FBXO8: variants seen among roughly 807,000 people sequenced by gnomAD.
FBXO8 encodes F-box protein 8, also known as F-box only protein 8.
In FBXO8, 15 loss-of-function variants were observed where a neutral mutation model predicts 33.4. That is an observed-to-expected ratio of 0.45 (90% CI 0.30 to 0.69). The LOEUF (loss-of-function observed/expected upper bound fraction) is 0.69. FBXO8 is among the 30% of genes least tolerant of loss of function. FBXO8 has a pLI of 0.08. For missense variants in FBXO8, 274 were observed against 380.3 expected, an observed-to-expected ratio of 0.72 and a Z score of 2.32; for synonymous variants, 132 against 131.5, an observed-to-expected ratio of 1.00 and a Z score of -0.02.
intron 3 of FBXO8, among the ~76,000 whole-genome samples, chr4:174,258,893 GA>G (rs1736477428): frequency 6.6e-6 from 1 of 151,758 alleles, no homozygotes; most frequent in Admixed American, 6.6e-5. Flanking sequence ...GACAACAAAT[GA>G]AAAAAAGTTG....
rs547330456 is a variant in FBXO8, at chr4:174,252,653, G to GCACACA, written c.456+7040_456+7045dup. ...CATGTACTTGTGCATGTGAGTGCATGCACACACACACACACACACACACGC... is the reference window on the plus strand; with the variant it reads ...CATGTACTTGTGCATGTGAGTGCATGCACACACACACACACACACACACACACACGC... On this transcript the variant is annotated intron_variant, in intron 3 of 5. Transcript: ENST00000393674. This position sits in a 1 kb window ranked among gnomAD's most constrained non-coding sequence, Gnocchi z 5.1. 2.3e-5 allele frequency among the ~76,000 whole-genome samples: 3 copies of GCACACA among 127,904 alleles called. No individual in the cohort carries two copies. The highest frequency in any genetic ancestry group is 2.0e-4 in the East Asian group (1 of 5,074). The allele number at this position is 127,904 out of a possible 152,430, so 83.9% of individuals were successfully genotyped here. A position where few individuals can be genotyped will look rare whatever the true frequency, so the allele number is the denominator to read the frequency against.
chr4:174,259,851 A>G lies in FBXO8; in HGVS notation c.330-26T>C, dbSNP rs893042231. On this transcript the variant is annotated intron_variant, in intron 2 of 5. Coordinates refer to ENST00000393674, the MANE Select transcript of FBXO8 (RefSeq NM_012180.3). This position sits in a 1 kb window ranked among gnomAD's most constrained non-coding sequence, Gnocchi z 4.3. ...CTATAAAATCAGAGAAAATGAGACA[A>G]GAAAACATTACTACATTTAATTTCC... 1 of 1,558,072 alleles carries G rather than the reference A, an allele frequency of 6.4e-7. No homozygotes were observed.
At position 174,267,211 on chromosome 4, in the gene FBXO8, A is replaced by G. The variant is rs903399704; in HGVS notation, c.-8-4111T>C. 2.6e-5 allele frequency among the ~76,000 whole-genome samples: 4 copies of G among 152,222 alleles called. No individual in the cohort carries two copies. Among genetic ancestry groups the G allele is most frequent in the Non-Finnish European group, 4.4e-5 (3 of 68,036 alleles). ...CTCAGCATGCCTGAGGATGGTGCCA[A>G]TAGCAGTTCCATGAAATAGGTCTTT... On this transcript the variant is annotated intron_variant, in intron 1 of 5. Transcript: ENST00000393674. This position sits in a 1 kb window ranked among gnomAD's most constrained non-coding sequence, Gnocchi z 4.7.
chr4:174,241,362 G>C lies in FBXO8; in HGVS notation c.457-144C>G. 2.0e-6 allele frequency: 1 copy of C among 493,318 alleles called. No homozygotes were observed. The allele number at this position is 493,318 out of a possible 1,614,324, so 30.6% of individuals were successfully genotyped here. ...GCTTTATCATGCAAAATACAAGCTA[G>C]AACTTGAACTGAAACTATTGTTTGT... On this transcript the variant is annotated intron_variant, in intron 3 of 5. Coordinates refer to ENST00000393674, the MANE Select transcript of FBXO8 (RefSeq NM_012180.3). This position sits in a 1 kb window ranked among gnomAD's most constrained non-coding sequence, Gnocchi z 4.2.
chr4:174,252,324 A>C lies in FBXO8; in HGVS notation c.456+7375T>G, dbSNP rs1736308349. ...ATTGAGGATTACATCTCAAACTCCT[A>C]AGAGTCTGGATAATAATAATAGCAA... On this transcript the variant is annotated intron_variant, in intron 3 of 5. Coordinates refer to ENST00000393674, the MANE Select transcript of FBXO8 (RefSeq NM_012180.3). The surrounding 1 kb of genome is among the most constrained non-coding windows in gnomAD (Gnocchi z 5.1). Among the ~76,000 whole-genome samples, 1 of 152,196 alleles carries C rather than the reference A, an allele frequency of 6.6e-6. No individual in the cohort carries two copies. Among genetic ancestry groups the C allele is most frequent in the Non-Finnish European group, 1.5e-5 (1 of 68,024 alleles).
rs1371446852 is a variant in FBXO8, at chr4:174,275,655, A to G, written c.-9+7755T>C. On this transcript the variant is annotated intron_variant, in intron 1 of 5. Coordinates refer to ENST00000393674, the MANE Select transcript of FBXO8 (RefSeq NM_012180.3). The surrounding 1 kb of genome is among the most constrained non-coding windows in gnomAD (Gnocchi z 4.4). ...GATGTTTTATAAAAAGGAATTAGAA[A>G]CTCTAATGAATGCTTTAAAGAGGGT... Among the ~76,000 whole-genome samples the G allele has an allele frequency of 6.6e-6, 1 of 152,202 alleles. No homozygotes were observed. The highest frequency in any genetic ancestry group is 1.5e-5 in the Non-Finnish European group (1 of 68,020).
rs765140995 is a variant in FBXO8 at position 174,267,888 on chromosome 4, A to T, written c.-8-4788T>A. ...TGCAAAAAGTTTCAAATTCAAAAAA[A>T]ATTCAACACAAAATAAGTTTTTGTA... On this transcript the variant is annotated intron_variant, in intron 1 of 5. Coordinates refer to ENST00000393674, the MANE Select transcript of FBXO8 (RefSeq NM_012180.3). The surrounding 1 kb of genome is among the most constrained non-coding windows in gnomAD (Gnocchi z 4.7). Among the ~76,000 whole-genome samples, 1 of 152,372 alleles carries T rather than the reference A, an allele frequency of 6.6e-6. No individual in the cohort carries two copies. The highest frequency in any genetic ancestry group is 6.5e-5 in the Admixed American group (1 of 15,304).
At chr4:174,238,170 A>C (rs1462508075) in intron 5 of FBXO8, among the ~76,000 whole-genome samples, 1 of 152,000 alleles carries the variant, frequency 6.6e-6, no homozygotes, top group Non-Finnish European at 1.5e-5. Flanking sequence ...AGGCCTGTGG[A>C]ACTTACATAT....
chr4:174,242,173 A>C (rs990798414), intron 3 of FBXO8, among the ~76,000 whole-genome samples: 9 of 151,666 alleles, frequency 5.9e-5, no homozygotes, highest in African/African-American at 1.2e-4. Flanking sequence ...TAATTGGCAG[A>C]GAAAATGACG....
At chr4:174,269,610 G>C (rs940810046) in intron 1 of FBXO8, among the ~76,000 whole-genome samples, 1 of 151,684 alleles carries the variant, frequency 6.6e-6, no homozygotes. Flanking sequence ...ACTTGAACCC[G>C]GGAGGCAGAG....
At chr4:174,244,469 CTACT>C (rs1333671371) in intron 3 of FBXO8, among the ~76,000 whole-genome samples, 6 of 151,782 alleles carry the variant, frequency 4.0e-5, no homozygotes, top group African/African-American at 1.4e-4. Flanking sequence ...AAACTCAGAA[CTACT>C]TAAATTTGAC....
chr4:174,270,363 T>C lies in FBXO8; in HGVS notation c.-8-7263A>G, dbSNP rs1448924053. ...CAGCATTATTAAAAAATAATGCCTTTGAGAGGTATTTATCTAGAAGACTGC... is the reference window on the plus strand; with the variant it reads ...CAGCATTATTAAAAAATAATGCCTTCGAGAGGTATTTATCTAGAAGACTGC... On this transcript the variant is annotated intron_variant, in intron 1 of 5. Coordinates refer to ENST00000393674, the MANE Select transcript of FBXO8 (RefSeq NM_012180.3). The surrounding 1 kb of genome is among the most constrained non-coding windows in gnomAD (Gnocchi z 4.6). Among the ~76,000 whole-genome samples the C allele has an allele frequency of 6.6e-6, 1 of 152,142 alleles. No individual in the cohort carries two copies. Among genetic ancestry groups the C allele is most frequent in the African/African-American group, 2.4e-5 (1 of 41,420 alleles).
rs1366388821 is a variant in FBXO8 at position 174,255,458 on chromosome 4, A to T, written c.456+4241T>A. 6.6e-6 allele frequency among the ~76,000 whole-genome samples: 1 copy of T among 152,122 alleles called. No homozygotes were observed. Among genetic ancestry groups the T allele is most frequent in the African/African-American group, 2.4e-5 (1 of 41,438 alleles). The stretch of plus-strand genomic sequence containing the variant: ...TATCTTGAAAATAAGTTGCATATTC[A>T]TTTCTACCTCAAACATGTGGATAGG... On this transcript the variant is annotated intron_variant, in intron 3 of 5. Transcript: ENST00000393674. The surrounding 1 kb of genome is among the most constrained non-coding windows in gnomAD (Gnocchi z 4.3).
rs139994785 is a variant in FBXO8 at position 174,270,824 on chromosome 4, C to A, written c.-8-7724G>T. ...AGAGACGGAGTTTCACCATGTTGGC[C>A]AGGATGGTCTACGAACTCCTCACCT... is the stretch of plus-strand genomic sequence containing the variant. On this transcript the variant is annotated intron_variant, in intron 1 of 5. Transcript: ENST00000393674. The surrounding 1 kb of genome is among the most constrained non-coding windows in gnomAD (Gnocchi z 4.6). 4.2e-4 allele frequency among the ~76,000 whole-genome samples: 64 copies of A among 152,184 alleles called. 1 individual carries two copies. In the East Asian group the frequency reaches 0.01, roughly 25 times the overall value.
intron 3 of FBXO8, among the ~76,000 whole-genome samples, chr4:174,250,571 C>A (rs983018887): frequency 6.6e-6 from 1 of 151,998 alleles, no homozygotes; most frequent in African/African-American, 2.4e-5. Context: ...ATAAAGAAGG[C>A]ATCTCTCTAA....
In FBXO8 at chr4:174,242,263, T is replaced by C. The variant is rs553565035; in HGVS notation, c.457-1045A>G. ...CACTTTACAAACACTTACATAGTAC[T>C]CAGAAATATTACACACATTAAGAAT... On this transcript the variant is annotated intron_variant, in intron 3 of 5. Transcript: ENST00000393674. Among the ~76,000 whole-genome samples the C allele has an allele frequency of 2.0e-5, 3 of 151,724 alleles. No individual in the cohort carries two copies. The South Asian group carries it at 6.2e-4, about 31-fold the overall frequency.
intron 1 of FBXO8, among the ~76,000 whole-genome samples, chr4:174,271,108 A>G (rs1305112527): frequency 2.6e-5 from 4 of 152,244 alleles, no homozygotes; most frequent in African/African-American, 7.2e-5. Context: ...CCATAAAATG[A>G]CAGAGAAAAA....
Position 174,275,541 on chromosome 4 carries a change from GA to G in FBXO8, c.-9+7868del, listed in dbSNP as rs1736941090. Among the ~76,000 whole-genome samples the G allele has an allele frequency of 6.6e-6, 1 of 151,266 alleles. No individual in the cohort carries two copies. Among genetic ancestry groups the G allele is most frequent in the African/African-American group, 2.4e-5 (1 of 41,216 alleles). The stretch of plus-strand genomic sequence containing the variant: ...TATCTTAAAAAATCATAGAAGGATG[GA>G]AAAAAACAAAAAAAGTTTAAAAAAG... On this transcript the variant is annotated intron_variant, in intron 1 of 5. Transcript: ENST00000393674. The surrounding 1 kb of genome is among the most constrained non-coding windows in gnomAD (Gnocchi z 4.4).
rs1553975239 is a variant in FBXO8, at chr4:174,273,333, A to AAAAAAG, written c.-9+10076_-9+10077insCTTTTT. Reference sequence around the variant, plus strand: ...CAATGTCATAAAAGTTAAAAAAAAAAAAAAGAAAAGAAAAGAAAAAAGGTG... The same window carrying AAAAAAG: ...CAATGTCATAAAAGTTAAAAAAAAAAAAAAAGAAAAGAAAAGAAAAGAAAAAAGGTG... On this transcript the variant is annotated intron_variant, in intron 1 of 5. Transcript: ENST00000393674. Among the ~76,000 whole-genome samples, 191 of 116,094 alleles carry AAAAAAG rather than the reference A, an allele frequency of 1.6e-3. 6 individuals carry two copies. Among genetic ancestry groups the AAAAAAG allele is most frequent in the African/African-American group, 5.4e-3 (172 of 31,876 alleles). The allele number at this position is 116,094 out of a possible 152,430, so 76.2% of individuals were successfully genotyped here.
Sources: allele counts gnomAD v4.1 joint callset (sites outside exome capture counted in the v4.1 genomes callset), GRCh38; gene constraint gnomAD v4.1.1; non-coding constraint Gnocchi (gnomAD v3.1); transcripts MANE v1.5; gene names NCBI Gene and HGNC (gene_info 2026-07-23, HGNC 2026-07-21).